The following LETMD1 variants were observed in gnomAD, a reference collection of about 807,000 sequenced individuals.
LETMD1 encodes the protein LETM1 domain containing 1, also known as LETM1 domain-containing protein 1.
LETMD1 carries 30 observed loss-of-function variants against 43.9 expected under a neutral mutation model. The observed-to-expected ratio is 0.68, with a 90% confidence interval of 0.51 to 0.93. LETMD1 has a LOEUF of 0.93. Ranked by LOEUF, LETMD1 falls within the 40% of genes least tolerant of loss-of-function variation. LETMD1 has a pLI of 0.00. For missense variants in LETMD1, 413 were observed against 447.7 expected, an observed-to-expected ratio of 0.92 and a Z score of 0.70; for synonymous variants, 176 against 163.1, an observed-to-expected ratio of 1.08 and a Z score of -0.60.
In LETMD1 at chr12:51,056,134, C is replaced by T. The variant is rs1157967275; in HGVS notation, c.661-10C>T. 1.2e-6 allele frequency: 2 copies of T among 1,613,442 alleles called. No individual in the cohort carries two copies. The highest frequency in any genetic ancestry group is 1.7e-6 in the Non-Finnish European group (2 of 1,179,510). ...TTCCTAACATCTACAAATCTCTTAC[C>T]TCTTCCAAGATACAGCGTGGTACCC... is the stretch of plus-strand genomic sequence containing the variant. On this transcript the variant is annotated splice_polypyrimidine_tract_variant and intron_variant, in intron 5 of 8. Transcript: ENST00000262055.
rs746430562 is a variant in LETMD1 at position 51,049,064 on chromosome 12, A to C, written c.153A>C (p.Ala51=). The change falls in exon 2 of 9, where the codon GCA becomes GCC. Residue 51 remains alanine, a synonymous_variant. Coordinates refer to ENST00000262055, the MANE Select transcript of LETMD1 (RefSeq NM_015416.5). ...CAAAGCTTCACCTTTCTCCAAAGGC[A>C]GATGTGAAGAACTTGATGTCTTATG... The part of the protein sequence containing the change: ...RSSKLHLSPK[A]DVKNLMSYVV... The C allele has an allele frequency of 6.2e-7, 1 of 1,614,138 alleles. No individual in the cohort carries two copies. The highest frequency in any genetic ancestry group is 1.1e-5 in the South Asian group (1 of 91,082).
At position 51,059,469 on chromosome 12, in the gene LETMD1, A is replaced by G. The variant is rs373649803; in HGVS notation, c.*38A>G. On this transcript the variant is annotated 3_prime_UTR_variant, in exon 9 of 9. Coordinates refer to ENST00000262055, the MANE Select transcript of LETMD1 (RefSeq NM_015416.5). The stretch of plus-strand genomic sequence containing the variant: ...GCGGATGGCATTGTCCTGCAGTCGT[A>G]TAGTATAGCAGTGCAGGAACAAACA... 91 of 1,575,072 alleles carry G rather than the reference A, an allele frequency of 5.8e-5. No individual in the cohort carries two copies. In the African/African-American group the frequency reaches 8.9e-4, roughly 15 times the overall value.
chr12:51,061,426 T>C (rs1948826588), downstream of LETMD1: 1 of 152,654 alleles, frequency 6.6e-6, no homozygotes, highest in Admixed American at 6.5e-5. Flanking sequence ...AGACTGGGAC[T>C]GAAGCTATCT....
the LETMD1 span, among the ~76,000 whole-genome samples, chr12:51,066,791 T>C: frequency 9.2e-5 from 14 of 152,162 alleles, no homozygotes; most frequent in African/African-American, 3.1e-4. Context: ...TACTGAACAA[T>C]AAGTGTTTGC....
chr12:51,050,990 G>T (rs1307880006), intron 2 of LETMD1, among the ~76,000 whole-genome samples: 3 of 149,374 alleles, frequency 2.0e-5, no homozygotes, highest in Non-Finnish European at 3.0e-5. Context: ...TCCAGCCTGG[G>T]CAACAACAGT....
At chr12:51,055,014 C>T (rs186562730) in intron 4 of LETMD1, among the ~76,000 whole-genome samples, 3 of 152,024 alleles carry the variant, frequency 2.0e-5, no homozygotes, top group East Asian at 3.9e-4. Flanking sequence ...GCAGTAGAAT[C>T]GCATGAACCC....
intron 3 of LETMD1, among the ~76,000 whole-genome samples, 193 bp from the exon 4 acceptor site, chr12:51,053,585 G>A (rs1412762347): frequency 6.6e-6 from 1 of 152,196 alleles, no homozygotes; most frequent in Non-Finnish European, 1.5e-5. Context: ...AGAGGTTGCA[G>A]TGAGCTAGGA....
intron 1 of LETMD1, chr12:51,048,728 C>T (rs1337698973): frequency 1.7e-6 from 1 of 605,858 alleles, no homozygotes; most frequent in Non-Finnish European, 2.9e-6. Context: ...ACTTTTTCGG[C>T]TCAGGTTTTA....
intron 4 of LETMD1, among the ~76,000 whole-genome samples, chr12:51,054,564 T>C (rs1480091554): frequency 6.6e-6 from 1 of 152,190 alleles, no homozygotes. Context: ...AGCCTCAAGA[T>C]AGTGGGACTT....
chr12:51,067,113 G>A, the LETMD1 span, among the ~76,000 whole-genome samples: 4 of 151,748 alleles, frequency 2.6e-5, no homozygotes, highest in African/African-American at 7.3e-5. The surrounding 1 kb of genome is among the most constrained non-coding windows in gnomAD (Gnocchi z 4.1). Context: ...TTACAGATGT[G>A]AGCCACCATG....
chr12:51,063,560 C>G, downstream of LETMD1: 1 of 482,896 alleles, frequency 2.1e-6, no homozygotes, highest in Non-Finnish European at 3.6e-6. Context: ...CAAGGTAGGG[C>G]TGGTCTCCTT....
chr12:51,048,822 T>A, intron 1 of LETMD1: 1 of 600,758 alleles, frequency 1.7e-6, no homozygotes, highest in Non-Finnish European at 2.9e-6. Context: ...TCCAGAGGCA[T>A]ACCCTGAGTT....
chr12:51,052,289 T>G, intron 3 of LETMD1, 82 bp downstream of exon 3: 1 of 1,529,888 alleles, frequency 6.5e-7, no homozygotes, highest in South Asian at 1.2e-5. Context: ...TTCTTTCATT[T>G]GTTGTTCACC....
chr12:51,066,777 G>T, the LETMD1 span, among the ~76,000 whole-genome samples: 103 of 152,318 alleles, frequency 6.8e-4, 2 homozygotes, highest in East Asian at 0.013. Flanking sequence ...AATTGGAGTA[G>T]AGGTACTGAA....
At chr12:51,058,219 G>A (rs1948285557) in intron 8 of LETMD1, 91 bp downstream of exon 8, 1 of 806,822 alleles carries the variant, frequency 1.2e-6, no homozygotes, top group Non-Finnish European at 2.2e-6. Context: ...ATTGAGTACT[G>A]TGAGACATAT....
intron 2 of LETMD1, among the ~76,000 whole-genome samples, chr12:51,051,596 A>T (rs1946164525): frequency 6.6e-6 from 1 of 151,734 alleles, no homozygotes; most frequent in Non-Finnish European, 1.5e-5. Flanking sequence ...AATCCTAGCT[A>T]CTTGGGATTC....
At chr12:51,062,505 G>T (rs148953623), downstream of LETMD1, 4 of 152,322 alleles carry the variant, frequency 2.6e-5, no homozygotes, top group African/African-American at 9.6e-5. Flanking sequence ...AACTGAATGA[G>T]TTCCATTCTA....
the LETMD1 span, among the ~76,000 whole-genome samples, chr12:51,066,865 C>T: frequency 1.3e-5 from 2 of 152,004 alleles, no homozygotes; most frequent in Non-Finnish European, 2.9e-5. Flanking sequence ...CTTGCTCTGT[C>T]GCCCGGGCTG....
downstream of LETMD1, chr12:51,061,997 TA>T (rs1275544382): frequency 1.3e-5 from 2 of 152,198 alleles, no homozygotes; most frequent in Admixed American, 6.5e-5. Context: ...TTTGTGAGGC[TA>T]GGGGATGGGG....
Sources: gnomAD v4.1 joint callset for allele counts (sites outside exome capture counted in the v4.1 genomes callset) on GRCh38, gnomAD v4.1.1 for gene constraint, Gnocchi (gnomAD v3.1) non-coding constraint, MANE v1.5 for transcripts, NCBI Gene and HGNC (gene_info 2026-07-23, HGNC 2026-07-21) for gene names.